The following OXSR1 variants were observed in gnomAD, a reference collection of about 807,000 sequenced individuals.
OXSR1 encodes the protein oxidative stress responsive kinase 1, also known as serine/threonine-protein kinase OSR1.
In OXSR1, 24 loss-of-function variants were observed where a neutral mutation model predicts 79.8. The observed-to-expected ratio is 0.30, with a 90% CI of 0.22 to 0.42. The LOEUF is 0.42. OXSR1 is among the 10% of genes least tolerant of loss of function. The pLI, the probability that OXSR1 is intolerant of heterozygous loss-of-function variation, is 1.00. For missense variants in OXSR1, 430 were observed against 618.4 expected, an observed-to-expected ratio of 0.70 and a Z score of 3.23; for synonymous variants, 226 against 209.2, an observed-to-expected ratio of 1.08 and a Z score of -0.69.
chr3:38,232,505 A>G (rs2125844010), intron 10 of OXSR1, among the ~76,000 whole-genome samples: 1 of 152,304 alleles, frequency 6.6e-6, no homozygotes, highest in African/African-American at 2.4e-5. Context: ...CTGTAATCCC[A>G]GCACTTTGGG....
chr3:38,215,969 C>G (rs1390512201), intron 4 of OXSR1, 127 bp from the exon 5 acceptor site: 1 of 659,428 alleles, frequency 1.5e-6, no homozygotes. Flanking sequence ...GTCTTAATAT[C>G]CTTTAATATA....
chr3:38,204,055 G>A (rs549395092), intron 4 of OXSR1, among the ~76,000 whole-genome samples: 55 of 152,092 alleles, frequency 3.6e-4, no homozygotes, highest in African/African-American at 1.3e-3. Flanking sequence ...CACAAGACAG[G>A]GTCCTTCCCA....
At chr3:38,166,133 GCGCGCCTGT>G in intron 1 of OXSR1, among the ~76,000 whole-genome samples, 187 bp downstream of exon 1, 8 of 151,794 alleles carry the variant, frequency 5.3e-5, no homozygotes, top group African/African-American at 1.9e-4. Flanking sequence ...GTTTTGAGGC[GCGCGCCTGT>G]GAGGTGGCGT....
chr3:38,211,149 G>A (rs556075333), intron 4 of OXSR1, among the ~76,000 whole-genome samples: 50 of 152,234 alleles, frequency 3.3e-4, no homozygotes, highest in African/African-American at 1.2e-3. Flanking sequence ...CAAAAAGGAG[G>A]CCTAGCACTA....
Position 38,253,259 on chromosome 3 carries a change from C to T in OXSR1, c.*368C>T. 1 of 216,282 alleles carries T rather than the reference C, an allele frequency of 4.6e-6. No homozygotes were observed. The highest frequency in any genetic ancestry group is 9.3e-6 in the Non-Finnish European group (1 of 107,946). 13.4% of individuals were successfully genotyped at this position (216,282 alleles called of 1,614,324 possible). ...AGCAGCTGTATCGGGCTTCCTCATC[C>T]TGCCTGTTCCCCCACACCTGCCAGG... On this transcript the variant is annotated 3_prime_UTR_variant, in exon 18 of 18. Coordinates refer to ENST00000311806, the MANE Select transcript of OXSR1 (RefSeq NM_005109.3).
In OXSR1 at chr3:38,180,222, C is replaced by T. The variant is rs932552869; in HGVS notation, c.71-2781C>T. Among the ~76,000 whole-genome samples, 6 of 152,128 alleles carry T rather than the reference C, an allele frequency of 3.9e-5. No individual in the cohort carries two copies. In the South Asian group the frequency reaches 1.2e-3, roughly 31 times the overall value. ...CCGCCTAAAGTGCTGGGATTACAGG[C>T]GTGAAACACTGTTCCTGGCGGAAAA... On this transcript the variant is annotated intron_variant, in intron 1 of 17. Coordinates refer to ENST00000311806, the MANE Select transcript of OXSR1 (RefSeq NM_005109.3).
intron 3 of OXSR1, 102 bp downstream of exon 3, chr3:38,190,941 T>G (rs1158422041): frequency 1.4e-6 from 1 of 694,760 alleles, no homozygotes; most frequent in Non-Finnish European, 2.6e-6. Flanking sequence ...ACATTTGCAT[T>G]TGAGGAGATA....
chr3:38,247,536 G>A (rs1339387057), intron 13 of OXSR1, 132 bp from the exon 14 acceptor site: 1 of 608,894 alleles, frequency 1.6e-6, no homozygotes, highest in Non-Finnish European at 3.0e-6. Flanking sequence ...GGAATGTCCT[G>A]GGGATTAGTA....
intron 11 of OXSR1, among the ~76,000 whole-genome samples, chr3:38,240,590 C>G (rs1018729348): frequency 6.6e-6 from 1 of 151,896 alleles, no homozygotes; most frequent in Non-Finnish European, 1.5e-5. Flanking sequence ...CCATTCCCCA[C>G]TAAAGGGAAG....
chr3:38,224,046 T>C (rs1175332736), intron 7 of OXSR1, 133 bp downstream of exon 7: 9 of 570,262 alleles, frequency 1.6e-5, no homozygotes, highest in Non-Finnish European at 2.5e-5. Context: ...TCTTTAACCA[T>C]TTTGAATATA....
intron 4 of OXSR1, among the ~76,000 whole-genome samples, chr3:38,212,066 T>C (rs543733479): frequency 3.6e-4 from 55 of 152,002 alleles, no homozygotes; most frequent in African/African-American, 1.3e-3. Context: ...GGGTCCACTG[T>C]CAGAAATTTA....
In OXSR1 at chr3:38,247,955, GT is replaced by G. The variant is rs1703178039; in HGVS notation, c.1322+226del. Among the ~76,000 whole-genome samples, 3 of 152,096 alleles carry G rather than the reference GT, an allele frequency of 2.0e-5. No individual in the cohort carries two copies. In the South Asian group the frequency reaches 6.3e-4, roughly 32 times the overall value. The stretch of plus-strand genomic sequence containing the variant: ...AACTGATGCACATGTTCTCTCAGTT[GT>G]TTCTGTGCTAATTGGTGATGAGTTT... On this transcript the variant is annotated intron_variant, in intron 14 of 17. Transcript: ENST00000311806.
chr3:38,172,664 C>T (rs1190847560), intron 1 of OXSR1, among the ~76,000 whole-genome samples: 3 of 152,072 alleles, frequency 2.0e-5, no homozygotes, highest in Admixed American at 1.3e-4. Context: ...TGAAGGACTT[C>T]GTGCTTTCAA....
At chr3:38,240,307 T>G (rs1339589853) in intron 11 of OXSR1, among the ~76,000 whole-genome samples, 1 of 152,138 alleles carries the variant, frequency 6.6e-6, no homozygotes, top group Non-Finnish European at 1.5e-5. Flanking sequence ...AATGTCTCAA[T>G]GTTCTTGGGA....
intron 4 of OXSR1, among the ~76,000 whole-genome samples, chr3:38,201,577 G>A (rs545848790): frequency 1.3e-5 from 2 of 152,162 alleles, no homozygotes; most frequent in Admixed American, 6.5e-5. Context: ...GGGTGTGGTG[G>A]TGGGTGCCTG....
At chr3:38,241,910 T>A (rs1478945493) in intron 11 of OXSR1, among the ~76,000 whole-genome samples, 2 of 144,814 alleles carry the variant, frequency 1.4e-5, no homozygotes, top group African/African-American at 5.0e-5. Context: ...ATAAAAGTGT[T>A]AAAAAAAAAA....
intron 10 of OXSR1, 137 bp from the exon 11 acceptor site, chr3:38,236,702 A>G: frequency 1.3e-6 from 1 of 750,662 alleles, no homozygotes; most frequent in Non-Finnish European, 2.1e-6. Flanking sequence ...GAGGATATGA[A>G]TTTGTATGGG....
At chr3:38,222,953 T>C (rs1346059092) in intron 6 of OXSR1, among the ~76,000 whole-genome samples, 1 of 152,246 alleles carries the variant, frequency 6.6e-6, no homozygotes, top group African/African-American at 2.4e-5. Context: ...TAAATATTGC[T>C]TTTAATTGAC....
At chr3:38,246,809 T>A (rs552527632) in intron 13 of OXSR1, among the ~76,000 whole-genome samples, 1 of 152,244 alleles carries the variant, frequency 6.6e-6, no homozygotes, top group African/African-American at 2.4e-5. Flanking sequence ...TAACTCCTTC[T>A]CTCCCTTCAA....
Sources: allele counts gnomAD v4.1 joint callset (sites outside exome capture counted in the v4.1 genomes callset), GRCh38; gene constraint gnomAD v4.1.1; transcripts MANE v1.5; gene names NCBI Gene and HGNC (gene_info 2026-07-23, HGNC 2026-07-21).